TRPM1: variants seen among roughly 807,000 people sequenced by gnomAD.
TRPM1 encodes the protein TRPM1-203 APA Isoform, Intron 10.
A neutral mutation model predicts 149.4 loss-of-function variants in TRPM1; 113 were observed. The observed-to-expected ratio is 0.76, with a 90% CI of 0.65 to 0.88. The LOEUF (loss-of-function observed/expected upper bound fraction) is 0.88. Among genes scored for constraint, TRPM1 ranks in the 40% least tolerant of loss-of-function variants. The pLI is 0.00. For missense variants in TRPM1, 1,976 were observed against 2,038.7 expected (o/e 0.97, Z 0.59); for synonymous variants, 741 against 759.5 (o/e 0.98, Z 0.40).
At chr15:31,104,800 T>A (rs1046103952), upstream of TRPM1, among the ~76,000 whole-genome samples, 1 of 152,078 alleles carries the variant, frequency 6.6e-6, no homozygotes, top group Non-Finnish European at 1.5e-5. Flanking sequence ...TTCACCGTGT[T>A]GGCCAGGATG....
At chr15:31,020,838 G>A (rs763096823) in intron 27 of TRPM1, among the ~76,000 whole-genome samples, 21 of 152,110 alleles carry the variant, frequency 1.4e-4, no homozygotes, top group East Asian at 5.8e-4. Context: ...TAGGCTTAGC[G>A]CGCAGGCTAA....
chr15:31,088,719 G>C (rs373600199), intron 1 of TRPM1, among the ~76,000 whole-genome samples: 71 of 151,616 alleles, frequency 4.7e-4, no homozygotes, highest in African/African-American at 1.6e-3. Context: ...GTATGAGATT[G>C]ACTGAAGCGG....
At chr15:31,088,291 G>A (rs1413596145) in intron 1 of TRPM1, among the ~76,000 whole-genome samples, 3 of 152,340 alleles carry the variant, frequency 2.0e-5, no homozygotes, top group African/African-American at 4.8e-5. Context: ...GGGAATAAAA[G>A]CTGGTCACCA....
chr15:31,078,558 T>C (rs937262597), intron 2 of TRPM1, among the ~76,000 whole-genome samples: 1 of 152,208 alleles, frequency 6.6e-6, no homozygotes, highest in African/African-American at 2.4e-5. Context: ...AAAAACAACA[T>C]CGCTGGCCTC....
At chr15:31,016,718 G>C (rs1475574017) in intron 27 of TRPM1, among the ~76,000 whole-genome samples, 2 of 152,036 alleles carry the variant, frequency 1.3e-5, no homozygotes, top group East Asian at 3.9e-4. Context: ...TCATTCTCCT[G>C]ACTTTGAATA....
chr15:31,028,607 T>G (rs1264468697), intron 24 of TRPM1, 131 bp from the exon 25 acceptor site: 1 of 1,216,668 alleles, frequency 8.2e-7, no homozygotes, highest in East Asian at 2.5e-5. Context: ...CAATATTTTT[T>G]CCATGGGAAA....
Position 31,113,493 on chromosome 15 carries a change from A to G in TRPM1, c.55-36509T>C, listed in dbSNP as rs1165963623. On this transcript the variant is annotated intron_variant, in intron 1 of 26. Coordinates refer to the TRPM1 transcript ENST00000542188. ...AAAAATGGGTCAAACAATATCTTAA[A>G]GACAGTGACTGAGAATTTTCCAAAC... Among the ~76,000 whole-genome samples the G allele has an allele frequency of 2.0e-5, 3 of 152,290 alleles. No homozygotes were observed. The East Asian group carries it at 5.8e-4, about 29-fold the overall frequency.
rs190928801 is a variant in TRPM1, at chr15:31,063,364, A to G, written c.791-72T>C. On this transcript the variant is annotated intron_variant, in intron 7 of 27. Coordinates refer to ENST00000256552, the MANE Select transcript of TRPM1 (RefSeq NM_001252024.2). ...TCCACCCAGTCGTTTTAACTCCTGA[A>G]GTATGGGGAAGAGTAAAAACATTAC... 2,086 of 1,584,424 alleles carry G rather than the reference A, an allele frequency of 1.3e-3. 9 individuals carry two copies. Among genetic ancestry groups the G allele is most frequent in the Non-Finnish European group, 1.3e-3 (1,498 of 1,153,522 alleles).
Position 31,002,583 on chromosome 15 carries a change from CTTCAGCG to C in TRPM1, c.4110_4116del (p.Asn1370LysfsTer5), listed in dbSNP as rs752836609. On this transcript the variant is annotated frameshift_variant, in exon 28 of 28. Coordinates refer to ENST00000256552, the MANE Select transcript of TRPM1 (RefSeq NM_001252024.2). LOFTEE classifies it low-confidence loss of function (END_TRUNC). The stretch of plus-strand genomic sequence containing the variant: ...CCAATATCTGGACCTAATTTTGACT[CTTCAGCG>C]TTCTTTAAGTCATCTACTGCAAGGT... 2 of 1,614,146 alleles carry C rather than the reference CTTCAGCG, an allele frequency of 1.2e-6. No individual in the cohort carries two copies. The highest frequency in any genetic ancestry group is 2.2e-5 in the South Asian group (2 of 91,092).
At chr15:31,056,862 T>C (rs1460198749) in intron 11 of TRPM1, among the ~76,000 whole-genome samples, 2 of 152,246 alleles carry the variant, frequency 1.3e-5, no homozygotes, top group African/African-American at 2.4e-5. Context: ...TTTCTAGAAC[T>C]GTAAGAAATA....
intron 1 of TRPM1, among the ~76,000 whole-genome samples, chr15:31,158,703 C>T (rs1287796950): frequency 6.6e-6 from 1 of 151,410 alleles, no homozygotes; most frequent in Non-Finnish European, 1.5e-5. Flanking sequence ...GTAGGACGTT[C>T]CCAAAAGTAA....
intron 1 of TRPM1, among the ~76,000 whole-genome samples, chr15:31,106,737 C>T (rs747157337): frequency 1.3e-5 from 2 of 152,172 alleles, no homozygotes; most frequent in Non-Finnish European, 1.5e-5. Flanking sequence ...AGCACAGCAA[C>T]AAAAAGTCTT....
intron 1 of TRPM1, among the ~76,000 whole-genome samples, chr15:31,140,980 T>C (rs767101515): frequency 1.3e-5 from 2 of 151,364 alleles, no homozygotes; most frequent in African/African-American, 2.4e-5. Context: ...TACCACTGCA[T>C]CCAGCTAATT....
chr15:31,153,448 T>C (rs2036329055), intron 1 of TRPM1, among the ~76,000 whole-genome samples: 1 of 152,074 alleles, frequency 6.6e-6, no homozygotes, highest in African/African-American at 2.4e-5. Flanking sequence ...TCTCACCCTC[T>C]TGAGTAGTGG....
intron 11 of TRPM1, among the ~76,000 whole-genome samples, chr15:31,058,347 G>A (rs935531836): frequency 6.6e-6 from 1 of 152,206 alleles, no homozygotes; most frequent in Non-Finnish European, 1.5e-5. Flanking sequence ...AATAGTTGGT[G>A]AATGATGGAA....
intron 1 of TRPM1, among the ~76,000 whole-genome samples, chr15:31,113,413 T>TCAATACC (rs1265609316): frequency 1.4e-5 from 2 of 142,824 alleles, no homozygotes; most frequent in Non-Finnish European, 3.0e-5. Context: ...CATACAGAAT[T>TCAATACC]CAATACCCAG....
chr15:31,034,346 C>T (rs762465843), intron 21 of TRPM1, among the ~76,000 whole-genome samples: 4 of 152,216 alleles, frequency 2.6e-5, no homozygotes, highest in Non-Finnish European at 4.4e-5. Context: ...TTGCAGCAAA[C>T]GCTCTAGGCC....
At chr15:31,008,408 G>A (rs1026061666) in intron 27 of TRPM1, among the ~76,000 whole-genome samples, 4 of 152,196 alleles carry the variant, frequency 2.6e-5, no homozygotes, top group Middle Eastern at 3.2e-3. Flanking sequence ...TCATCATGAT[G>A]TTGAATTTCA....
Position 31,040,182 on chromosome 15 carries a change from C to T in TRPM1, c.2252G>A (p.Ser751Asn). 1.9e-6 allele frequency: 3 copies of T among 1,614,228 alleles called. No individual in the cohort carries two copies. Among genetic ancestry groups the T allele is most frequent in the Non-Finnish European group, 2.5e-6 (3 of 1,180,038 alleles). ...KHRDFIAHTC[S>N]QMLLTDMWMG... ...CCACATATCGGTCAGCAGCATCTGG[C>T]TGCAGGTGTGAGCAATGAAGTCCCG... The change falls in exon 18 of 28, where the codon AGC (serine) becomes AAC (asparagine). Residue 751 changes from serine (S) to asparagine (N), a missense_variant. By Grantham distance (46) the Ser-to-Asn change is conservative (BLOSUM62 1). Transcript: ENST00000256552. The surrounding 1 kb of genome is among the most constrained non-coding windows in gnomAD (Gnocchi z 4.2).
Sources: gnomAD v4.1 joint callset for allele counts (sites outside exome capture counted in the v4.1 genomes callset) on GRCh38, gnomAD v4.1.1 for gene constraint, Gnocchi (gnomAD v3.1) non-coding constraint, MANE v1.5 for transcripts, NCBI Gene and HGNC (gene_info 2026-07-23, HGNC 2026-07-21) for gene names.